Variants in DDX5 observed in about 807,000 individuals in gnomAD.
The protein encoded by DDX5 is DEAD-box helicase 5, also known as probable ATP-dependent RNA helicase DDX5.
A neutral mutation model predicts 68.6 loss-of-function variants in DDX5; 6 were observed. The observed-to-expected ratio is 0.09, with a 90% CI of 0.05 to 0.17. The LOEUF is 0.17. Ranked by LOEUF, DDX5 falls within the 10% of genes least tolerant of loss-of-function variation. The pLI is 1.00. For missense variants in DDX5, 499 were observed against 756.1 expected, an observed-to-expected ratio of 0.66 and a Z score of 3.99; for synonymous variants, 350 against 247.0, an observed-to-expected ratio of 1.42 and a Z score of -3.91.
At chr17:64,504,538 A>G in intron 2 of DDX5, 139 bp downstream of exon 2, 1 of 1,109,410 alleles carries the variant, frequency 9.0e-7, no homozygotes. Flanking sequence ...TCCAAAAGTG[A>G]GTCACACCTT....
At chr17:64,505,894 C>G (rs976921091) in intron 1 of DDX5, 182 bp downstream of exon 1, 7 of 1,535,284 alleles carry the variant, frequency 4.6e-6, no homozygotes, top group Non-Finnish European at 6.1e-6. Flanking sequence ...GACACTACAC[C>G]GTCAAATCTC....
At position 64,503,773 on chromosome 17, in the gene DDX5, T is replaced by C. The variant is rs2038356134; in HGVS notation, c.507+30A>G. ...TAGTCTAAAATCTACACATTATGCT[T>C]CTAATAAAAAGTTAAAAATATATAC... On this transcript the variant is annotated intron_variant, in intron 5 of 12. Transcript: ENST00000225792. 8 of 1,599,242 alleles carry C rather than the reference T, an allele frequency of 5.0e-6. No homozygotes were observed. In the South Asian group the frequency reaches 9.0e-5, roughly 18 times the overall value.
intron 12 of DDX5, 54 bp from the exon 13 acceptor site, chr17:64,500,380 G>A: frequency 5.1e-6 from 8 of 1,560,586 alleles, no homozygotes; most frequent in Non-Finnish European, 6.9e-6. Context: ...ACAAATCATT[G>A]TGGACAGAAA....
intron 1 of DDX5, chr17:64,505,396 T>G: frequency 2.1e-6 from 1 of 487,716 alleles, no homozygotes; most frequent in South Asian, 2.5e-5. Context: ...CGAATCAAAA[T>G]TATATAACGC....
chr17:64,506,360 G>T, upstream of DDX5: 1 of 1,438,336 alleles, frequency 7.0e-7, no homozygotes, highest in Non-Finnish European at 9.1e-7. Context: ...GCTGGGAGCC[G>T]CTCTATGACC....
rs1465081699 is a variant in DDX5 at position 64,506,197 on chromosome 17, A to G, written c.-78T>C. 4.4e-6 allele frequency: 7 copies of G among 1,574,046 alleles called. No individual in the cohort carries two copies. Among genetic ancestry groups the G allele is most frequent in the Non-Finnish European group, 6.0e-6 (7 of 1,159,870 alleles). Reference sequence around the variant, plus strand: ...CAAGTCGCTGGAAATGGCCTCGATGACGGCGAAGCCTTGCGGGGGCGGCAG... The same window carrying G: ...CAAGTCGCTGGAAATGGCCTCGATGGCGGCGAAGCCTTGCGGGGGCGGCAG... On this transcript the variant is annotated 5_prime_UTR_variant, in exon 1 of 13. Transcript: ENST00000225792.
upstream of DDX5, chr17:64,506,565 C>T: frequency 2.3e-6 from 1 of 435,000 alleles, no homozygotes; most frequent in Middle Eastern, 6.9e-4. Context: ...CTTTCCCAAG[C>T]CCAGCCCCGC....
intron 1 of DDX5, 72 bp downstream of exon 1, chr17:64,506,004 G>A (rs1359800050): frequency 1.6e-5 from 24 of 1,543,206 alleles, no homozygotes; most frequent in Non-Finnish European, 1.9e-5. Flanking sequence ...CAAAGCCCCC[G>A]CCGGCCGCCA....
intron 1 of DDX5, chr17:64,505,213 A>T (rs924361493): frequency 7.8e-6 from 2 of 257,748 alleles, no homozygotes; most frequent in South Asian, 1.4e-4. Flanking sequence ...ACAAGGCTAC[A>T]TGAACCGAAG....
chr17:64,504,906 T>G, intron 1 of DDX5, 64 bp from the exon 2 acceptor site: 1 of 1,492,976 alleles, frequency 6.7e-7, no homozygotes, highest in Non-Finnish European at 9.0e-7. Flanking sequence ...TGTATAGATT[T>G]GTCATCCATT....
chr17:64,506,018 T>TGGGGGGGGGGGGG, intron 1 of DDX5, 58 bp downstream of exon 1: 1 of 1,309,552 alleles, frequency 7.6e-7, no homozygotes, highest in Non-Finnish European at 1.1e-6. Flanking sequence ...GCCGCCACCC[T>TGGGGGGGGGGGGG]GACCCGCCCT....
chr17:64,502,808 GCTAA>G, intron 8 of DDX5, 114 bp downstream of exon 8: 3 of 1,047,438 alleles, frequency 2.9e-6, no homozygotes, highest in Non-Finnish European at 4.0e-6. Flanking sequence ...GGATTAGTAG[GCTAA>G]CTAAATGAAA....
chr17:64,500,811 GGA>G, intron 11 of DDX5, 38 bp from the exon 12 acceptor site: 1 of 1,502,942 alleles, frequency 6.7e-7, no homozygotes, highest in South Asian at 1.1e-5. Flanking sequence ...AGCAATGTAC[GGA>G]GTTTTGCACA....
rs1555671774 is a variant in DDX5, at chr17:64,504,659, C to T, written c.210+18G>A. ...ACGATCGAGTTACAGCCTGATGAAG[C>T]CACATGAATTTACTCACTGCTGTGC... is the stretch of plus-strand genomic sequence containing the variant. On this transcript the variant is annotated intron_variant, in intron 2 of 12. Coordinates refer to ENST00000225792, the MANE Select transcript of DDX5 (RefSeq NM_004396.5). 6.3e-7 allele frequency: 1 copy of T among 1,591,976 alleles called. No individual in the cohort carries two copies. Among genetic ancestry groups the T allele is most frequent in the East Asian group, 2.2e-5 (1 of 44,732 alleles).
In DDX5 at chr17:64,505,762, C is replaced by G. The variant is rs782179305; in HGVS notation, c.44+314G>C. On this transcript the variant is annotated intron_variant, in intron 1 of 12. Coordinates refer to ENST00000225792, the MANE Select transcript of DDX5 (RefSeq NM_004396.5). Reference sequence around the variant, plus strand: ...ACGCCGCACCTAACAGATGTTCCTTCGTCTGCCTCGAAGCGTCCCGCTTTC... The same window carrying G: ...ACGCCGCACCTAACAGATGTTCCTTGGTCTGCCTCGAAGCGTCCCGCTTTC... The G allele has an allele frequency of 7.2e-6, 11 of 1,536,182 alleles. No individual in the cohort carries two copies. In the South Asian group the frequency reaches 1.2e-4, roughly 17 times the overall value.
chr17:64,502,689 G>C, intron 8 of DDX5, 140 bp from the exon 9 acceptor site: 1 of 733,818 alleles, frequency 1.4e-6, no homozygotes, highest in Non-Finnish European at 2.2e-6. Flanking sequence ...TCCACTTATC[G>C]AGCAGTTCGA....
In DDX5 at chr17:64,504,013, C is replaced by G. The variant is rs1598151165; in HGVS notation, c.411G>C (p.Val137=). ...VALSGLDMVG[V]AQTGSGKTLS... is the part of the protein sequence containing the mutation. ...ATGTTTTCCCAGATCCAGTCTGTGC[C>G]ACTCCAACCATATCCAATCCACTTA... Residue 137 remains valine (V), a synonymous_variant, in exon 4 of 13, where the codon GTG becomes GTC. Coordinates refer to ENST00000225792, the MANE Select transcript of DDX5 (RefSeq NM_004396.5). The G allele has an allele frequency of 1.2e-6, 2 of 1,614,194 alleles. No homozygotes were observed. Among genetic ancestry groups the G allele is most frequent in the African/African-American group, 2.7e-5 (2 of 75,044 alleles).
chr17:64,499,863 A>G lies in DDX5; in HGVS notation c.*60T>C, dbSNP rs782464880. On this transcript the variant is annotated 3_prime_UTR_variant, in exon 13 of 13. Transcript: ENST00000225792. ...GTTTCTTAAATAACTATCTTGTCAG[A>G]TAACACACAATATAAAGAGCAATTA... 15 of 1,440,302 alleles carry G rather than the reference A, an allele frequency of 1.0e-5. No homozygotes were observed. The highest frequency in any genetic ancestry group is 7.1e-5 in the African/African-American group (5 of 70,618). 89.2% of individuals were successfully genotyped at this position (1,440,302 alleles called of 1,614,324 possible). A position where few individuals can be genotyped will look rare whatever the true frequency, so the allele number is the denominator to read the frequency against.
chr17:64,501,767 A>G, intron 11 of DDX5: 1 of 575,450 alleles, frequency 1.7e-6, no homozygotes, highest in Admixed American at 3.1e-5. Context: ...CCTTTTGAAG[A>G]TTACTGGCAC....
Sources: gnomAD v4.1 joint callset for allele counts on GRCh38, gnomAD v4.1.1 for gene constraint, MANE v1.5 for transcripts, NCBI Gene and HGNC (gene_info 2026-07-23, HGNC 2026-07-21) for gene names.